The following TBC1D5 variants were observed in gnomAD, a reference collection of about 807,000 sequenced individuals.
TBC1D5 encodes TBC1 domain family, member 5.
A neutral mutation model predicts 100.3 loss-of-function variants in TBC1D5; 75 were observed. That is an observed-to-expected ratio of 0.75 (90% CI 0.62 to 0.91). The LOEUF (loss-of-function observed/expected upper bound fraction) is 0.91, where lower values mean the gene tolerates loss of function less well. Ranked by LOEUF, TBC1D5 falls within the 40% of genes least tolerant of loss-of-function variation. The pLI is 0.00. For missense variants in TBC1D5, 910 were observed against 942.4 expected, an observed-to-expected ratio of 0.97 and a Z score of 0.45; for synonymous variants, 323 against 325.6, an observed-to-expected ratio of 0.99 and a Z score of 0.09.
intron 15 of TBC1D5, among the ~76,000 whole-genome samples, chr3:17,286,272 A>G (rs1280144890): frequency 6.6e-6 from 1 of 152,252 alleles, no homozygotes; most frequent in Non-Finnish European, 1.5e-5. Context: ...ACTTAAAACA[A>G]TAGTTTTAAA....
rs187863890 is a variant in TBC1D5 at position 17,422,999 on chromosome 3, T to G, written c.167+5451A>C. Among the ~76,000 whole-genome samples, 161 of 152,316 alleles carry G rather than the reference T, an allele frequency of 1.1e-3. 1 individual carries two copies. The highest frequency in any genetic ancestry group is 3.2e-3 in the African/African-American group (133 of 41,592). On this transcript the variant is annotated intron_variant, in intron 4 of 21. Coordinates refer to ENST00000253692, the Ensembl canonical transcript of TBC1D5. The stretch of plus-strand genomic sequence containing the variant: ...GGCAGGAAAAGACAACTTTTAGATT[T>G]AAAAGGCTATACCAACTTTAATTTT...
chr3:17,577,011 A>C (rs2096661357), intron 2 of TBC1D5, among the ~76,000 whole-genome samples: 1 of 152,046 alleles, frequency 6.6e-6, no homozygotes, highest in Admixed American at 6.6e-5. Context: ...TTACACATTT[A>C]AAGGGAATTT....
At chr3:17,238,656 G>C (rs1418888302) in intron 16 of TBC1D5, among the ~76,000 whole-genome samples, 1 of 152,158 alleles carries the variant, frequency 6.6e-6, no homozygotes, top group African/African-American at 2.4e-5. Flanking sequence ...TCAACAAATA[G>C]AGCTAACCCT....
chr3:17,616,883 T>C (rs2062211525), intron 2 of TBC1D5, among the ~76,000 whole-genome samples: 1 of 152,214 alleles, frequency 6.6e-6, no homozygotes, highest in Non-Finnish European at 1.5e-5. Context: ...ATTTAGCCCA[T>C]TTACATTTAA....
chr3:17,284,409 G>A lies in TBC1D5; in HGVS notation c.1245+7486C>T, dbSNP rs147270789. Among the ~76,000 whole-genome samples, 1,073 of 152,168 alleles carry A rather than the reference G, an allele frequency of 7.1e-3. 12 individuals are homozygous for A. The highest frequency in any genetic ancestry group is 0.024 in the African/African-American group (987 of 41,498). ...CTGGATTACAGGCGTGAGCCACCAC[G>A]CCTGGCCATATTATTACCCTATTTG... On this transcript the variant is annotated intron_variant, in intron 15 of 21. Coordinates refer to ENST00000253692, the Ensembl canonical transcript of TBC1D5.
chr3:17,507,772 G>A (rs1182535544), intron 3 of TBC1D5, among the ~76,000 whole-genome samples: 1 of 152,036 alleles, frequency 6.6e-6, no homozygotes, highest in African/African-American at 2.4e-5. Context: ...CAAATATTTA[G>A]TGAACTGCTT....
intron 19 of TBC1D5, among the ~76,000 whole-genome samples, chr3:17,178,386 T>C (rs1165054555): frequency 6.6e-6 from 1 of 152,140 alleles, no homozygotes; most frequent in Non-Finnish European, 1.5e-5. Context: ...TCTTTATATA[T>C]ACCACATTTT....
intron 3 of TBC1D5, among the ~76,000 whole-genome samples, chr3:17,445,338 T>C (rs1041190489): frequency 6.6e-6 from 1 of 152,002 alleles, no homozygotes; most frequent in Non-Finnish European, 1.5e-5. Context: ...AAGAGGACGG[T>C]CTTTAGTGAA....
chr3:17,474,798 A>T (rs2095419132), intron 3 of TBC1D5, among the ~76,000 whole-genome samples: 1 of 152,124 alleles, frequency 6.6e-6, no homozygotes, highest in Non-Finnish European at 1.5e-5. Flanking sequence ...AAGACTTATG[A>T]TATACATTGC....
At chr3:17,711,591 T>C (rs978693414) in intron 1 of TBC1D5, among the ~76,000 whole-genome samples, 1 of 152,226 alleles carries the variant, frequency 6.6e-6, no homozygotes, top group Non-Finnish European at 1.5e-5. Context: ...GTTTTGAAGT[T>C]TCTCATTGAA....
intron 2 of TBC1D5, among the ~76,000 whole-genome samples, chr3:17,621,192 T>A (rs1007205943): frequency 6.6e-6 from 1 of 152,090 alleles, no homozygotes; most frequent in Non-Finnish European, 1.5e-5. Context: ...TAAAAAAAAA[T>A]GCAGATGTAT....
chr3:17,450,415 G>C lies in TBC1D5; in HGVS notation c.98-21896C>G, dbSNP rs192385522. On this transcript the variant is annotated intron_variant, in intron 3 of 21. Transcript: ENST00000253692. ...GAATTACAGAAGTAGGCTTCAGAAG[G>C]TGGGTAACAACAAACTCCTCCGAGT... is the stretch of plus-strand genomic sequence containing the variant. Among the ~76,000 whole-genome samples, 8 of 152,214 alleles carry C rather than the reference G, an allele frequency of 5.3e-5. No individual in the cohort carries two copies. In the East Asian group the frequency reaches 1.4e-3, roughly 26 times the overall value.
chr3:17,705,376 T>G (rs1308962930), intron 1 of TBC1D5, among the ~76,000 whole-genome samples: 19 of 113,506 alleles, frequency 1.7e-4, no homozygotes, highest in Admixed American at 2.6e-4. Flanking sequence ...CCGGACGGGG[T>G]GGCTGCCGGG....
rs574495169 is a variant in TBC1D5, at chr3:17,556,053, C to T, written c.-35-47448G>A. Among the ~76,000 whole-genome samples, 168 of 152,028 alleles carry T rather than the reference C, an allele frequency of 1.1e-3. 1 individual carries two copies. Among genetic ancestry groups the T allele is most frequent in the African/African-American group, 3.8e-3 (158 of 41,486 alleles). On this transcript the variant is annotated intron_variant, in intron 2 of 21. Transcript: ENST00000253692. ...TGGTTTTTTTTTTGAGACAGGGTCT[C>T]GCTCTGTCACCCAGGCAGTGGCGCA...
At chr3:17,411,491 GT>G (rs1373473678) in intron 4 of TBC1D5, among the ~76,000 whole-genome samples, 1 of 152,126 alleles carries the variant, frequency 6.6e-6, no homozygotes. Flanking sequence ...AATGTGCAAT[GT>G]TTTGAACCCA....
chr3:17,574,601 T>TGTCTC (rs1222908089), intron 2 of TBC1D5, among the ~76,000 whole-genome samples: 1 of 152,122 alleles, frequency 6.6e-6, no homozygotes, highest in African/African-American at 2.4e-5. Context: ...CCATGTTGCT[T>TGTCTC]GTCTCTAAGC....
chr3:17,385,577 CT>C (rs1267497966), intron 8 of TBC1D5, among the ~76,000 whole-genome samples: 3 of 151,552 alleles, frequency 2.0e-5, no homozygotes, highest in Admixed American at 6.6e-5. Flanking sequence ...TGTGAAGCAT[CT>C]TTTTTTCTGG....
chr3:17,365,926 C>A (rs905764370), intron 13 of TBC1D5, among the ~76,000 whole-genome samples: 1 of 152,092 alleles, frequency 6.6e-6, no homozygotes, highest in Non-Finnish European at 1.5e-5. Context: ...CTTTATAATC[C>A]TTCATTTCCT....
intron 14 of TBC1D5, among the ~76,000 whole-genome samples, chr3:17,300,843 G>A (rs2082748930): frequency 6.6e-6 from 1 of 152,110 alleles, no homozygotes; most frequent in Non-Finnish European, 1.5e-5. Flanking sequence ...AGGCTGAGGT[G>A]GGCAGATGAC....
Sources: gnomAD v4.1 joint callset for allele counts (sites outside exome capture counted in the v4.1 genomes callset) on GRCh38, gnomAD v4.1.1 for gene constraint, MANE v1.5 for transcripts, NCBI Gene and HGNC (gene_info 2026-07-23, HGNC 2026-07-21) for gene names.